KCNC2: variants seen among roughly 807,000 people sequenced by gnomAD.
KCNC2 encodes the protein potassium voltage-gated channel subfamily C member 2.
A neutral mutation model predicts 44.5 loss-of-function variants in KCNC2; 21 were observed. That is an observed-to-expected ratio of 0.47 (90% CI 0.33 to 0.68). The LOEUF is 0.68. Among genes scored for constraint, KCNC2 ranks in the 30% least tolerant of loss-of-function variants. The pLI is 0.01. For missense variants in KCNC2, 589 were observed against 826.2 expected, an observed-to-expected ratio of 0.71 and a Z score of 3.52; for synonymous variants, 391 against 339.1, an observed-to-expected ratio of 1.15 and a Z score of -1.68.
At chr12:75,096,816 G>T (rs1220033146) in intron 2 of KCNC2, among the ~76,000 whole-genome samples, 1 of 152,026 alleles carries the variant, frequency 6.6e-6, no homozygotes, top group Non-Finnish European at 1.5e-5. Flanking sequence ...CAGGTCATAA[G>T]GTTTAGCCCA....
At chr12:75,205,839 G>GTT (rs34832795) in intron 2 of KCNC2, among the ~76,000 whole-genome samples, 2,714 of 124,582 alleles carry the variant, frequency 0.022, 52 homozygotes, top group Middle Eastern at 0.057. Context: ...GTTGGTTTGG[G>GTT]TTTTTTTTTT....
rs909838908 is a variant in KCNC2 at position 75,117,002 on chromosome 12, G to A, written c.688-65685C>T. Among the ~76,000 whole-genome samples, 3 of 151,912 alleles carry A rather than the reference G, an allele frequency of 2.0e-5. No homozygotes were observed. The South Asian group carries it at 6.2e-4, about 32-fold the overall frequency. ...TTCTTCCTACGATTCCATTCACATA[G>A]CAACACATTTTTTTTCTTCTGTTTT... On this transcript the variant is annotated intron_variant, in intron 2 of 4. Coordinates refer to ENST00000549446, the MANE Select transcript of KCNC2 (RefSeq NM_139137.4).
chr12:75,084,321 T>TAGATAGATAGATAGAC (rs1565840540), intron 2 of KCNC2, among the ~76,000 whole-genome samples: 14 of 151,654 alleles, frequency 9.2e-5, no homozygotes, highest in African/African-American at 3.4e-4. Context: ...GATAGATAGA[T>TAGATAGATAGATAGAC]AGATAGATAG....
intron 2 of KCNC2, among the ~76,000 whole-genome samples, chr12:75,191,561 G>GTTTTTTTTTTTTTTTTTGTTTT: frequency 3.4e-5 from 1 of 29,814 alleles, no homozygotes. Flanking sequence ...TTTTTTTTTT[G>GTTTTTTTTTTTTTTTTTGTTTT]GAGACGGAGT....
chr12:75,091,967 T>C (rs961408525), intron 2 of KCNC2, among the ~76,000 whole-genome samples: 5 of 151,698 alleles, frequency 3.3e-5, no homozygotes, highest in African/African-American at 1.2e-4. Context: ...ATAAAAAATA[T>C]ACATGTTTCA....
At chr12:75,064,358 A>G (rs914580512) in intron 2 of KCNC2, among the ~76,000 whole-genome samples, 2 of 151,940 alleles carry the variant, frequency 1.3e-5, no homozygotes, top group Non-Finnish European at 2.9e-5. Context: ...AACACCTTCT[A>G]TCTTTCATGA....
intron 2 of KCNC2, among the ~76,000 whole-genome samples, chr12:75,144,640 G>GTA (rs35763797): frequency 0.2 from 29,812 of 149,196 alleles, 3,326 homozygotes; most frequent in Admixed American, 0.27. Context: ...GTGTGTGTGT[G>GTA]TATATATATA....
chr12:75,100,874 G>A (rs929718394), intron 2 of KCNC2, among the ~76,000 whole-genome samples: 1 of 152,056 alleles, frequency 6.6e-6, no homozygotes, highest in African/African-American at 2.4e-5. Context: ...AGCCTCCAAA[G>A]TGAAGCTTAT....
intron 2 of KCNC2, among the ~76,000 whole-genome samples, chr12:75,134,114 C>T (rs969559581): frequency 3.3e-5 from 5 of 151,940 alleles, no homozygotes; most frequent in Middle Eastern, 3.4e-3. Flanking sequence ...TTATGGTATC[C>T]AGTGATAATT....
In KCNC2 at chr12:75,050,971, C is replaced by T; in HGVS notation, c.1034G>A (p.Gly345Asp). ...LSSKAAKDVL[G>D]FLRVVRFVRI... ...CACAAACCTTACCACCCTGAGGAAG[C>T]CAAGCACATCTTTAGCAGCTTTGGA... Residue 345 changes from glycine to aspartate, a missense_variant, in exon 3 of 5, where the codon GGC becomes GAC. This residue lies in a region of KCNC2 where 67 missense variants were observed against 237.4 expected (regional missense o/e 0.28). Coordinates refer to ENST00000549446, the MANE Select transcript of KCNC2 (RefSeq NM_139137.4). 1 of 1,613,754 alleles carries T rather than the reference C, an allele frequency of 6.2e-7. No homozygotes were observed. The highest frequency in any genetic ancestry group is 8.5e-7 in the Non-Finnish European group (1 of 1,179,872).
chr12:75,194,337 T>A (rs891101675), intron 2 of KCNC2, among the ~76,000 whole-genome samples: 17 of 152,092 alleles, frequency 1.1e-4, no homozygotes, highest in African/African-American at 4.1e-4. Context: ...AAGATGGAGA[T>A]GCATCTACAG....
At chr12:75,082,907 C>T (rs1592831406) in intron 2 of KCNC2, among the ~76,000 whole-genome samples, 4 of 151,334 alleles carry the variant, frequency 2.6e-5, no homozygotes, top group African/African-American at 4.8e-5. Context: ...GAACTGGAGA[C>T]AGATTGAGAA....
intron 2 of KCNC2, among the ~76,000 whole-genome samples, chr12:75,159,237 C>G (rs543922192): frequency 6.6e-6 from 1 of 151,636 alleles, no homozygotes; most frequent in Non-Finnish European, 1.5e-5. Flanking sequence ...CCTGCACATT[C>G]TGCACATGTA....
At chr12:75,096,889 T>C (rs1885973299) in intron 2 of KCNC2, among the ~76,000 whole-genome samples, 1 of 152,064 alleles carries the variant, frequency 6.6e-6, no homozygotes, top group African/African-American at 2.4e-5. Context: ...GAGGAATAGT[T>C]TAATTTATAG....
chr12:75,071,715 G>A (rs895511488), intron 2 of KCNC2, among the ~76,000 whole-genome samples: 2 of 152,028 alleles, frequency 1.3e-5, no homozygotes, highest in East Asian at 1.9e-4. Context: ...ACTTTGGGAG[G>A]CCAAGGCGGG....
rs1881112502 is a variant in KCNC2 at position 75,051,072 on chromosome 12, G to T, written c.933C>A (p.Ile311=). 6.2e-7 allele frequency: 1 copy of T among 1,613,654 alleles called. No individual in the cohort carries two copies. The highest frequency in any genetic ancestry group is 8.5e-7 in the Non-Finnish European group (1 of 1,179,756). Residue 311 remains isoleucine, a synonymous_variant, in exon 3 of 5, where the codon ATC becomes ATA. Coordinates refer to ENST00000549446, the MANE Select transcript of KCNC2 (RefSeq NM_139137.4). ...AGTCAATGATATTCAAGAGATTTTT[G>T]ATGAATTCAAGTTTATTGGGTGAAA... ...IVFSPNKLEF[I]KNLLNIIDFV...
chr12:75,075,845 C>A (rs1202449522), intron 2 of KCNC2, among the ~76,000 whole-genome samples: 1 of 152,016 alleles, frequency 6.6e-6, no homozygotes, highest in Non-Finnish European at 1.5e-5. Context: ...TTAGAATGGA[C>A]CTGAATAAAT....
At chr12:75,134,622 A>AT (rs1271490465) in intron 2 of KCNC2, among the ~76,000 whole-genome samples, 1 of 151,882 alleles carries the variant, frequency 6.6e-6, no homozygotes, top group African/African-American at 2.4e-5. Context: ...TCATAGATCC[A>AT]TGAAATGTTG....
intron 2 of KCNC2, among the ~76,000 whole-genome samples, chr12:75,186,697 C>T (rs1565676315): frequency 6.6e-6 from 1 of 152,010 alleles, no homozygotes; most frequent in East Asian, 1.9e-4. Context: ...GCAGACTTCC[C>T]CTTGATTGAA....
Sources: gnomAD v4.1 joint callset for allele counts (sites outside exome capture counted in the v4.1 genomes callset) on GRCh38, gnomAD v4.1.1 for gene constraint, gnomAD v4.1.1 regional missense constraint, MANE v1.5 for transcripts, NCBI Gene and HGNC (gene_info 2026-07-23, HGNC 2026-07-21) for gene names.